INHBA: variants seen among roughly 807,000 people sequenced by gnomAD.
The protein encoded by INHBA is inhibin subunit beta A.
Under a neutral mutation model 29.0 loss-of-function variants are expected in INHBA, and 1 was observed. The ratio of observed to expected loss-of-function variants is 0.03; its 90% CI spans 0.01 to 0.16. The LOEUF (loss-of-function observed/expected upper bound fraction) is 0.16. Among genes scored for constraint, INHBA ranks in the 10% least tolerant of loss-of-function variants. The pLI, the probability that INHBA is intolerant of heterozygous loss-of-function variation, is 1.00. For missense variants in INHBA, 376 were observed against 545.4 expected, an observed-to-expected ratio of 0.69 and a Z score of 3.09; for synonymous variants, 242 against 216.8, an observed-to-expected ratio of 1.12 and a Z score of -1.02.
At chr7:41,697,963 A>G (rs1794686598) in intron 2 of INHBA, among the ~76,000 whole-genome samples, 3 of 152,226 alleles carry the variant, frequency 2.0e-5, no homozygotes, top group Non-Finnish European at 4.4e-5. Flanking sequence ...AGTGTTTTCT[A>G]AGAATCCAAA....
At chr7:41,696,370 A>G (rs1794648543) in intron 2 of INHBA, among the ~76,000 whole-genome samples, 1 of 152,190 alleles carries the variant, frequency 6.6e-6, no homozygotes, top group African/African-American at 2.4e-5. Flanking sequence ...TCTGCCTTCC[A>G]TAGAGCTCCG....
In INHBA at chr7:41,685,298, C is replaced by G. The variant is rs570099502; in HGVS notation, c.*4352G>C. On this transcript the variant is annotated 3_prime_UTR_variant, in exon 3 of 3. Coordinates refer to ENST00000242208, the MANE Select transcript of INHBA (RefSeq NM_002192.4). Reference sequence around the variant, plus strand: ...ACATGAAAACATATCAAACTGTTATCTCTTTAAACATATTGTAAATAAAAA... The same window carrying G: ...ACATGAAAACATATCAAACTGTTATGTCTTTAAACATATTGTAAATAAAAA... 1 of 152,028 alleles carries G rather than the reference C, an allele frequency of 6.6e-6. No individual in the cohort carries two copies. The highest frequency in any genetic ancestry group is 1.5e-5 in the Non-Finnish European group (1 of 67,972). The allele number at this position is 152,028 out of a possible 1,614,324, so 9.4% of individuals were successfully genotyped here.
rs1250735156 is a variant in INHBA at position 41,690,331 on chromosome 7, C to T, written c.600G>A (p.Glu200=). ...EEAEEVGLKG[E]RSELLLSEKV... ...TTTCAGAGAGCAACAGTTCACTCCT[C>T]TCCCCCTTTAAGCCCACTTCCTCGG... Residue 200 remains glutamate (E), a synonymous_variant, in exon 3 of 3, where the codon GAG becomes GAA. Transcript: ENST00000242208. 1.2e-6 allele frequency: 2 copies of T among 1,613,986 alleles called. No individual in the cohort carries two copies. Among genetic ancestry groups the T allele is most frequent in the Non-Finnish European group, 1.7e-6 (2 of 1,180,028 alleles).
At chr7:41,694,332 G>A (rs550977171) in intron 2 of INHBA, among the ~76,000 whole-genome samples, 3 of 152,146 alleles carry the variant, frequency 2.0e-5, no homozygotes, top group Non-Finnish European at 4.4e-5. Flanking sequence ...TTACCTGAGA[G>A]AGATTGCTAT....
rs529491006 is a variant in INHBA at position 41,689,524 on chromosome 7, T to G, written c.*126A>C. On this transcript the variant is annotated 3_prime_UTR_variant, in exon 3 of 3. Coordinates refer to ENST00000242208, the MANE Select transcript of INHBA (RefSeq NM_002192.4). ...TTTAATTTACTTTTGTTTTTTTTTG[T>G]TTTTTTTTTTGTTTTGTTTTTAATT... 6.7e-4 allele frequency: 375 copies of G among 557,240 alleles called. No individual in the cohort carries two copies. Among genetic ancestry groups the G allele is most frequent in the Non-Finnish European group, 8.2e-4 (319 of 387,540 alleles). 34.5% of individuals were successfully genotyped at this position (557,240 alleles called of 1,614,324 possible).
intron 2 of INHBA, chr7:41,692,397 T>G (rs1482017915): frequency 6.6e-6 from 1 of 152,198 alleles, no homozygotes; most frequent in Non-Finnish European, 1.5e-5. Flanking sequence ...ACTATAAATT[T>G]TAGGCACAGT....
At chr7:41,704,786 T>C (rs1583604425), upstream of INHBA, among the ~76,000 whole-genome samples, 1 of 152,016 alleles carries the variant, frequency 6.6e-6, no homozygotes, top group East Asian at 1.9e-4. Context: ...GATATGAACC[T>C]GTGGGGGTCA....
rs150346214 is a variant in INHBA at position 41,693,114 on chromosome 7, A to G, written c.389-2572T>C. ...GACAGCTTCTGAAATCCTAAACTGC[A>G]CAGGGTGTCACTCCAAAAACAGACA... On this transcript the variant is annotated intron_variant, in intron 2 of 2. Transcript: ENST00000242208. 3.5e-3 allele frequency among the ~76,000 whole-genome samples: 533 copies of G among 152,342 alleles called. 4 individuals are homozygous for G. The highest frequency in any genetic ancestry group is 0.011 in the African/African-American group (466 of 41,582).
intron 2 of INHBA, 77 bp downstream of exon 2, chr7:41,699,910 C>T: frequency 1.0e-6 from 1 of 975,934 alleles, no homozygotes; most frequent in Non-Finnish European, 1.5e-6. Flanking sequence ...AGAAGTTCCT[C>T]CTGGGACTGT....
Position 41,700,428 on chromosome 7 carries a change from C to G in INHBA, c.-54G>C. ...TTTTTAAAAGGCCCTGCTTTTCCTC[C>G]CCCCTCACGCGCAGGTTTTTTTGTG... On this transcript the variant is annotated 5_prime_UTR_variant, in exon 2 of 3. Transcript: ENST00000242208. 7.4e-7 allele frequency: 1 copy of G among 1,356,560 alleles called. No individual in the cohort carries two copies. Among genetic ancestry groups the G allele is most frequent in the Non-Finnish European group, 9.5e-7 (1 of 1,048,208 alleles). The allele number at this position is 1,356,560 out of a possible 1,614,324, so 84.0% of individuals were successfully genotyped here. A position where few individuals can be genotyped will look rare whatever the true frequency, so the allele number is the denominator to read the frequency against.
chr7:41,705,238 C>T (rs1794889846), upstream of INHBA: 1 of 152,990 alleles, frequency 6.5e-6, no homozygotes, highest in African/African-American at 2.4e-5. Flanking sequence ...AGCTTCCCCG[C>T]ACCCCAGGCC....
chr7:41,696,992 C>T (rs1273085810), intron 2 of INHBA, among the ~76,000 whole-genome samples: 2 of 152,152 alleles, frequency 1.3e-5, no homozygotes, highest in African/African-American at 4.8e-5. Flanking sequence ...ATTACCAGAA[C>T]CCACATCCAG....
In INHBA at chr7:41,690,500, C is replaced by T; in HGVS notation, c.431G>A (p.Gly144Asp). 2 of 1,611,232 alleles carry T rather than the reference C, an allele frequency of 1.2e-6. No individual in the cohort carries two copies. Among genetic ancestry groups the T allele is most frequent in the Non-Finnish European group, 1.7e-6 (2 of 1,178,900 alleles). Residue 144 changes from glycine to aspartate, a missense_variant, in exon 3 of 3, where the codon GGC (glycine) becomes GAC (aspartate). Gly to Asp is a moderately conservative substitution (Grantham distance 94, BLOSUM62 -1). This residue lies in a region of INHBA where 253 missense variants were observed against 313.4 expected (regional missense o/e 0.81). Coordinates refer to ENST00000242208, the MANE Select transcript of INHBA (RefSeq NM_002192.4). ...ACGCTCCACCACTGACAGGTCACTG[C>T]CTTCCTTGGAAATCTCGAAGTGCAG... ...KTLHFEISKE[G>D]SDLSVVERAE...
upstream of INHBA, among the ~76,000 whole-genome samples, chr7:41,704,746 C>T (rs1200820915): frequency 6.6e-6 from 1 of 151,854 alleles, no homozygotes; most frequent in African/African-American, 2.4e-5. Flanking sequence ...ACTCAGGCCT[C>T]AGTGTTCCCA....
Position 41,690,130 on chromosome 7 carries a change from C to T in INHBA, c.801G>A (p.Gly267=), listed in dbSNP as rs1338629074. ...CACCTCCGCCCTTCTTTTTCCCTTC[C>T]CCCTCCTCTTCTTTCTTCTTCTTCT... ...LGKKKKKEEE[G]EGKKKGGGEG... Residue 267 remains glycine, a synonymous_variant, in exon 3 of 3, where the codon GGG becomes GGA. Transcript: ENST00000242208. 1.9e-6 allele frequency: 3 copies of T among 1,613,608 alleles called. No homozygotes were observed. Among genetic ancestry groups the T allele is most frequent in the South Asian group, 1.1e-5 (1 of 91,070 alleles).
intron 2 of INHBA, among the ~76,000 whole-genome samples, chr7:41,697,463 A>C (rs1330912840): frequency 1.3e-5 from 2 of 152,146 alleles, no homozygotes; most frequent in African/African-American, 4.8e-5. Context: ...GAGGCTCTCT[A>C]CTTCTGTAGC....
intron 2 of INHBA, among the ~76,000 whole-genome samples, chr7:41,696,647 C>A (rs1794656317): frequency 1.3e-5 from 2 of 152,118 alleles, no homozygotes; most frequent in East Asian, 3.9e-4. Context: ...CCATTATTCA[C>A]GGAAGAGAGC....
chr7:41,690,292 A>G lies in INHBA; in HGVS notation c.639T>C (p.Ala213=), dbSNP rs1794471723. The change falls in exon 3 of 3, where the codon GCT becomes GCC. Residue 213 remains alanine, a synonymous_variant. Transcript: ENST00000242208. ...ELLLSEKVVD[A]RKSTWHVFPV... Reference sequence around the variant, plus strand: ...GGAAGACATGCCAGGTGCTCTTCCGAGCGTCTACTACTTTTTCAGAGAGCA... The same window carrying G: ...GGAAGACATGCCAGGTGCTCTTCCGGGCGTCTACTACTTTTTCAGAGAGCA... 6.2e-7 allele frequency: 1 copy of G among 1,613,958 alleles called. No individual in the cohort carries two copies. The highest frequency in any genetic ancestry group is 1.1e-5 in the South Asian group (1 of 91,056).
At chr7:41,690,712 T>C (rs1415947139) in intron 2 of INHBA, among the ~76,000 whole-genome samples, 170 bp from the exon 3 acceptor site, 1 of 152,198 alleles carries the variant, frequency 6.6e-6, no homozygotes, top group Admixed American at 6.5e-5. Flanking sequence ...GCCTGCAAAC[T>C]AAGAATGGCT....
Sources: gnomAD v4.1 joint callset for allele counts (sites outside exome capture counted in the v4.1 genomes callset) on GRCh38, gnomAD v4.1.1 for gene constraint, gnomAD v4.1.1 regional missense constraint, MANE v1.5 for transcripts, NCBI Gene and HGNC (gene_info 2026-07-23, HGNC 2026-07-21) for gene names.